Variants in PDE4D observed in about 807,000 individuals in gnomAD.
PDE4D encodes phosphodiesterase 4D, also known as 3',5'-cyclic-AMP phosphodiesterase 4D.
Under a neutral mutation model 87.4 loss-of-function variants are expected in PDE4D, and 24 were observed. The ratio of observed to expected loss-of-function variants is 0.27; its 90% CI spans 0.20 to 0.39. PDE4D has a LOEUF of 0.39. PDE4D is among the 10% of genes least tolerant of loss of function. The probability of loss-of-function intolerance (pLI) is 1.00; values close to 1 mark genes in which losing one functional copy is unlikely to be tolerated. For missense variants in PDE4D, 714 were observed against 1,041.0 expected (o/e 0.69, Z 4.32); for synonymous variants, 384 against 383.2 (o/e 1.00, Z -0.02).
intron 1 of PDE4D, among the ~76,000 whole-genome samples, chr5:60,333,970 G>A (rs1241673045): frequency 2.0e-5 from 3 of 152,144 alleles, no homozygotes; most frequent in African/African-American, 7.2e-5. Flanking sequence ...AAGCACTGTG[G>A]CTCTCAGGGT....
At chr5:59,747,887 C>T (rs191039762) in intron 1 of PDE4D, among the ~76,000 whole-genome samples, 89 of 152,306 alleles carry the variant, frequency 5.8e-4, no homozygotes, top group African/African-American at 2.0e-3. Context: ...TCCCCAGTTT[C>T]TCATGATCAA....
At chr5:60,048,166 T>C (rs1769553324) in intron 2 of PDE4D, among the ~76,000 whole-genome samples, 1 of 152,056 alleles carries the variant, frequency 6.6e-6, no homozygotes, top group Non-Finnish European at 1.5e-5. Context: ...AAGTCTGTTT[T>C]ATCAGAGACT....
intron 2 of PDE4D, among the ~76,000 whole-genome samples, chr5:60,136,366 G>A (rs1780049810): frequency 6.6e-6 from 1 of 151,360 alleles, no homozygotes; most frequent in Non-Finnish European, 1.5e-5. Flanking sequence ...GTCCAGGCTG[G>A]AGTGCACTGG....
intron 2 of PDE4D, among the ~76,000 whole-genome samples, chr5:60,105,925 G>A (rs1053533716): frequency 2.6e-5 from 4 of 152,162 alleles, no homozygotes; most frequent in Non-Finnish European, 4.4e-5. Flanking sequence ...AAAGACCATC[G>A]ATGCTAGGAA....
chr5:59,518,246 A>G (rs979481026), intron 1 of PDE4D, among the ~76,000 whole-genome samples: 6 of 151,332 alleles, frequency 4.0e-5, no homozygotes, highest in Non-Finnish European at 7.4e-5. Context: ...CAGTGGCAAA[A>G]ATAGTGATTT....
chr5:59,478,322 G>A (rs1417347504), intron 1 of PDE4D, among the ~76,000 whole-genome samples: 2 of 151,994 alleles, frequency 1.3e-5, no homozygotes, highest in African/African-American at 4.8e-5. Context: ...AATTGGAAAT[G>A]GTAAGAATTT....
intron 5 of PDE4D, among the ~76,000 whole-genome samples, chr5:59,098,408 A>T (rs2153432149): frequency 6.6e-6 from 1 of 152,230 alleles, no homozygotes; most frequent in East Asian, 1.9e-4. Flanking sequence ...TCATATTAAG[A>T]AAATGTAGCC....
intron 2 of PDE4D, among the ~76,000 whole-genome samples, chr5:60,041,077 T>C (rs1000972263): frequency 2.6e-5 from 4 of 152,230 alleles, no homozygotes; most frequent in Admixed American, 2.0e-4. Context: ...ATTATAGTTC[T>C]TATAAAAAAT....
intron 1 of PDE4D, among the ~76,000 whole-genome samples, chr5:59,808,719 A>AT (rs1346504784): frequency 5.3e-5 from 8 of 152,122 alleles, no homozygotes; most frequent in Non-Finnish European, 1.2e-4. Context: ...TTCCTTTAGT[A>AT]TTTTTACAGC....
At chr5:60,422,355 A>C (rs923738256) in intron 1 of PDE4D, among the ~76,000 whole-genome samples, 3 of 152,232 alleles carry the variant, frequency 2.0e-5, no homozygotes, top group African/African-American at 7.2e-5. Context: ...CTCAGCAGAA[A>C]CCTTATAAGA....
At chr5:60,077,333 G>T (rs1003610574) in intron 2 of PDE4D, among the ~76,000 whole-genome samples, 1 of 152,190 alleles carries the variant, frequency 6.6e-6, no homozygotes, top group African/African-American at 2.4e-5. Context: ...AAAGCAATGT[G>T]GGGGTGGCCA....
intron 1 of PDE4D, among the ~76,000 whole-genome samples, chr5:59,354,993 G>A (rs1781142971): frequency 6.6e-6 from 1 of 152,186 alleles, no homozygotes; most frequent in South Asian, 2.1e-4. Flanking sequence ...GAAGGACTGA[G>A]CCTCTCAAGC....
At chr5:60,328,510 C>T (rs902352001) in intron 1 of PDE4D, among the ~76,000 whole-genome samples, 1 of 152,140 alleles carries the variant, frequency 6.6e-6, no homozygotes, top group Admixed American at 6.5e-5. Context: ...ATTTTCATTG[C>T]TGTATAATAT....
chr5:59,097,831 T>C (rs1486211220), intron 5 of PDE4D, among the ~76,000 whole-genome samples: 1 of 152,192 alleles, frequency 6.6e-6, no homozygotes, highest in South Asian at 2.1e-4. Flanking sequence ...CTCCTTTTAA[T>C]GATATCCTTT....
At chr5:59,190,302 G>T (rs1038044294) in intron 3 of PDE4D, among the ~76,000 whole-genome samples, 5 of 152,056 alleles carry the variant, frequency 3.3e-5, no homozygotes, top group Non-Finnish European at 4.4e-5. Context: ...AGTTATTTTG[G>T]GGTTTGGAAT....
chr5:59,860,961 C>A (rs749795801), intron 1 of PDE4D, among the ~76,000 whole-genome samples: 1 of 151,732 alleles, frequency 6.6e-6, no homozygotes, highest in African/African-American at 2.4e-5. Context: ...CGGGTTCAAG[C>A]GATTCTCCTG....
intron 1 of PDE4D, among the ~76,000 whole-genome samples, chr5:59,827,963 T>A (rs1450338003): frequency 6.6e-6 from 1 of 152,164 alleles, no homozygotes; most frequent in Non-Finnish European, 1.5e-5. Context: ...TGTTAACTTA[T>A]TATTTTCACA....
intron 1 of PDE4D, among the ~76,000 whole-genome samples, chr5:60,311,313 C>T (rs902295312): frequency 3.3e-5 from 5 of 152,166 alleles, no homozygotes; most frequent in African/African-American, 7.2e-5. Flanking sequence ...TGAGCCACCG[C>T]GCCCGGCTGG....
At chr5:60,035,549 T>C (rs1034133313) in intron 2 of PDE4D, among the ~76,000 whole-genome samples, 9 of 152,138 alleles carry the variant, frequency 5.9e-5, no homozygotes, top group African/African-American at 1.9e-4. Flanking sequence ...CGGAGTCTTA[T>C]TTAAAAATCT....
Sources: allele counts gnomAD v4.1 joint callset (sites outside exome capture counted in the v4.1 genomes callset), GRCh38; gene constraint gnomAD v4.1.1; transcripts MANE v1.5; gene names NCBI Gene and HGNC (gene_info 2026-07-23, HGNC 2026-07-21).